Variants in RBFOX2 observed in about 807,000 individuals in gnomAD.
RBFOX2 encodes RNA binding fox-1 homolog 2.
RBFOX2 carries 10 observed loss-of-function variants against 49.1 expected under a neutral mutation model. The observed-to-expected ratio is 0.20, with a 90% CI of 0.13 to 0.35. The LOEUF is 0.35. Among genes scored for constraint, RBFOX2 ranks in the 10% least tolerant of loss-of-function variants. The pLI is 1.00. For missense variants in RBFOX2, 323 were observed against 486.9 expected, an observed-to-expected ratio of 0.66 and a Z score of 3.17; for synonymous variants, 183 against 187.4, an observed-to-expected ratio of 0.98 and a Z score of 0.19.
At chr22:35,960,850 C>T (rs1215160400) in intron 1 of RBFOX2, among the ~76,000 whole-genome samples, 1 of 151,960 alleles carries the variant, frequency 6.6e-6, no homozygotes, top group Non-Finnish European at 1.5e-5. Flanking sequence ...TCTCTAAAGC[C>T]GATTCCGAAT....
intron 1 of RBFOX2, among the ~76,000 whole-genome samples, chr22:35,980,619 T>C (rs2057408104): frequency 7.5e-6 from 1 of 133,782 alleles, no homozygotes. Context: ...TTTCTTCTGG[T>C]TATAAATCAA....
chr22:35,970,481 CAA>C (rs745706842), intron 1 of RBFOX2, among the ~76,000 whole-genome samples: 2 of 115,902 alleles, frequency 1.7e-5, no homozygotes. Flanking sequence ...AGACCCATCT[CAA>C]AAAAAAAAAA....
chr22:35,768,131 A>G (rs1432876817), intron 5 of RBFOX2, 126 bp downstream of exon 6: 10 of 967,082 alleles, frequency 1.0e-5, no homozygotes, highest in Non-Finnish European at 1.6e-5. Context: ...GAAGACAGAG[A>G]TACAAACACA....
intron 1 of RBFOX2, chr22:35,836,456 T>C (rs1374663226): frequency 2.6e-5 from 4 of 152,264 alleles, no homozygotes; most frequent in Non-Finnish European, 5.9e-5. Context: ...AGAGGGGAGA[T>C]AGCAGACAAT....
At chr22:35,963,059 CAAAAAAAAAAAAAA>C (rs34027896), upstream of RBFOX2, among the ~76,000 whole-genome samples, 10,656 of 33,892 alleles carry the variant, frequency 0.31, 568 homozygotes, top group East Asian at 0.37. Context: ...AACTCTCCAG[CAAAAAAAAAAAAAA>C]AAAAAAAAAA....
chr22:35,876,700 A>AC (rs2045140279), intron 1 of RBFOX2, among the ~76,000 whole-genome samples: 1 of 142,230 alleles, frequency 7.0e-6, no homozygotes, highest in Non-Finnish European at 1.5e-5. Context: ...CCATTAAAAG[A>AC]AACACACACA....
chr22:35,944,814 G>A (rs1287667652), intron 1 of RBFOX2, among the ~76,000 whole-genome samples: 13 of 152,162 alleles, frequency 8.5e-5, no homozygotes, highest in Middle Eastern at 6.8e-3. Flanking sequence ...GGCGGCTCAC[G>A]GCTGTAATCC....
chr22:35,972,807 T>C (rs2150019426), intron 1 of RBFOX2, among the ~76,000 whole-genome samples: 1 of 152,330 alleles, frequency 6.6e-6, no homozygotes, highest in African/African-American at 2.4e-5. Context: ...CCATATTCCC[T>C]GTCCTCCTAG....
chr22:35,760,066 A>G, intron 8 of RBFOX2, 46 bp from the exon 10 acceptor site: 2 of 1,608,972 alleles, frequency 1.2e-6, no homozygotes, highest in Non-Finnish European at 1.7e-6. Flanking sequence ...CTTGCATTCA[A>G]TAGAAGGTGC....
chr22:35,749,533 A>G lies in RBFOX2; in HGVS notation c.888-2972T>C, dbSNP rs1934120199. On this transcript the variant is annotated intron_variant, in intron 9 of 11. Transcript: ENST00000405409. The surrounding 1 kb of genome is among the most constrained non-coding windows in gnomAD (Gnocchi z 4.1). ...TACACACACACACGCACACACACAC[A>G]TACACTTACTCGAAAGTATTTTTGC... Among the ~76,000 whole-genome samples the G allele has an allele frequency of 6.6e-6, 1 of 151,536 alleles. No individual in the cohort carries two copies. The highest frequency in any genetic ancestry group is 2.4e-5 in the African/African-American group (1 of 41,384).
intron 4 of RBFOX2, among the ~76,000 whole-genome samples, chr22:35,768,658 A>C (rs893744462): frequency 6.6e-6 from 1 of 152,186 alleles, no homozygotes; most frequent in African/African-American, 2.4e-5. Flanking sequence ...TTCAACCAAA[A>C]ATCTGAAGAT....
At chr22:35,773,972 T>C (rs899582449) in intron 4 of RBFOX2, among the ~76,000 whole-genome samples, 4 of 152,132 alleles carry the variant, frequency 2.6e-5, no homozygotes, top group South Asian at 4.1e-4. Flanking sequence ...TTTTGGGTTA[T>C]GTTTTAAGGT....
intron 4 of RBFOX2, among the ~76,000 whole-genome samples, chr22:35,773,715 A>C (rs189155105): frequency 6.6e-6 from 1 of 152,240 alleles, no homozygotes; most frequent in Non-Finnish European, 1.5e-5. Flanking sequence ...CATTCAATAG[A>C]GGATATACCA....
upstream of RBFOX2, chr22:35,939,029 C>A: frequency 1.2e-6 from 1 of 854,144 alleles, no homozygotes; most frequent in South Asian, 1.5e-5. Flanking sequence ...TGTATTCCAC[C>A]CTACCTAAGT....
chr22:35,745,390 C>A (rs1390504089), intron 11 of RBFOX2, among the ~76,000 whole-genome samples: 1 of 152,114 alleles, frequency 6.6e-6, no homozygotes, highest in East Asian at 1.9e-4. Flanking sequence ...ATCAACAACA[C>A]CATATTTTGC....
intron 2 of RBFOX2, among the ~76,000 whole-genome samples, chr22:35,786,352 A>T (rs1056546913): frequency 6.6e-6 from 1 of 152,226 alleles, no homozygotes; most frequent in Non-Finnish European, 1.5e-5. Context: ...GCCATGTAGA[A>T]AAAAGTGACC....
chr22:36,007,840 GCTGC>G (rs2058674447), intron 1 of RBFOX2, among the ~76,000 whole-genome samples: 3 of 152,050 alleles, frequency 2.0e-5, no homozygotes, highest in Admixed American at 2.0e-4. Flanking sequence ...TTCATACAGA[GCTGC>G]CTAATTAATG....
At chr22:35,907,400 G>A (rs1422834158) in intron 1 of RBFOX2, among the ~76,000 whole-genome samples, 1 of 152,196 alleles carries the variant, frequency 6.6e-6, no homozygotes, top group African/African-American at 2.4e-5. Flanking sequence ...AGGGGGAAAT[G>A]ATGGCTGAAT....
chr22:35,981,419 A>T (rs985419160), intron 1 of RBFOX2, among the ~76,000 whole-genome samples: 2 of 152,166 alleles, frequency 1.3e-5, no homozygotes, highest in African/African-American at 4.8e-5. Context: ...AGGTGGGCAG[A>T]TCACTTGAGG....
Sources: gnomAD v4.1 joint callset for allele counts (sites outside exome capture counted in the v4.1 genomes callset) on GRCh38, gnomAD v4.1.1 for gene constraint, Gnocchi (gnomAD v3.1) non-coding constraint, MANE v1.5 for transcripts, NCBI Gene and HGNC (gene_info 2026-07-23, HGNC 2026-07-21) for gene names.